UBP1: variants seen among roughly 807,000 people sequenced by gnomAD.
The protein encoded by UBP1 is upstream binding protein 1.
Under a neutral mutation model 76.1 loss-of-function variants are expected in UBP1, and 22 were observed. That is an observed-to-expected ratio of 0.29 (90% CI 0.21 to 0.41). The LOEUF (loss-of-function observed/expected upper bound fraction) is 0.41, where lower values mean the gene tolerates loss of function less well. UBP1 is among the 10% of genes least tolerant of loss of function. UBP1 has a pLI of 1.00. For missense variants in UBP1, 436 were observed against 668.1 expected, an observed-to-expected ratio of 0.65 and a Z score of 3.83; for synonymous variants, 224 against 237.1, an observed-to-expected ratio of 0.94 and a Z score of 0.51.
chr3:33,398,816 TG>T (rs1165143965), intron 11 of UBP1, among the ~76,000 whole-genome samples: 1 of 152,210 alleles, frequency 6.6e-6, no homozygotes. Context: ...CTATGTGCTA[TG>T]CTTTTCATCT....
intron 11 of UBP1, among the ~76,000 whole-genome samples, chr3:33,398,834 C>T (rs2044112158): frequency 6.6e-6 from 1 of 152,198 alleles, no homozygotes; most frequent in Admixed American, 6.5e-5. Context: ...ATCTGCCTTC[C>T]ATACAACAGT....
intron 2 of UBP1, among the ~76,000 whole-genome samples, chr3:33,419,189 C>A (rs961513133): frequency 6.6e-5 from 10 of 152,098 alleles, no homozygotes; most frequent in Non-Finnish European, 1.0e-4. Flanking sequence ...CAGGAGCTGA[C>A]TTGAGGCAGA....
At chr3:33,426,748 T>C (rs917894338) in intron 1 of UBP1, among the ~76,000 whole-genome samples, 2 of 152,224 alleles carry the variant, frequency 1.3e-5, no homozygotes, top group South Asian at 2.1e-4. Flanking sequence ...TGTTCTAACA[T>C]GTACCAATGC....
At chr3:33,430,547 T>G (rs921743153) in intron 1 of UBP1, among the ~76,000 whole-genome samples, 1 of 152,166 alleles carries the variant, frequency 6.6e-6, no homozygotes, top group African/African-American at 2.4e-5. Context: ...AAACAACAGA[T>G]GACATATATC....
chr3:33,411,402 A>C (rs1301536514), intron 5 of UBP1, among the ~76,000 whole-genome samples, 179 bp downstream of exon 5: 1 of 152,246 alleles, frequency 6.6e-6, no homozygotes, highest in Non-Finnish European at 1.5e-5. Flanking sequence ...ATGTCTTCAT[A>C]TATGTTAGTT....
chr3:33,440,935 A>G (rs2045292268), upstream of UBP1: 4 of 152,280 alleles, frequency 2.6e-5, no homozygotes, highest in South Asian at 8.3e-4. Context: ...TGGTGACAGA[A>G]AAGCCAGTTG....
At chr3:33,412,124 T>C (rs755730249) in intron 4 of UBP1, among the ~76,000 whole-genome samples, 8 of 149,464 alleles carry the variant, frequency 5.4e-5, no homozygotes, top group Non-Finnish European at 1.2e-4. Context: ...GAGGCGGAGG[T>C]TGCAGTGAGC....
At chr3:33,410,432 C>T (rs1258768615) in intron 5 of UBP1, among the ~76,000 whole-genome samples, 1 of 152,216 alleles carries the variant, frequency 6.6e-6, no homozygotes, top group East Asian at 1.9e-4. Flanking sequence ...CAAACACCAA[C>T]AGTATGAGTT....
Position 33,400,196 on chromosome 3 carries a change from A to T in UBP1, c.1173T>A (p.Asn391Lys). ...ACACACACATACACATACCTGAAAA[A>T]TTAGAGAACAGTCTTGTGTAGGAAG... ...RFSSYTRLFS[N>K]FSGADLLKLT... is the part of the protein sequence containing the mutation. The change falls in exon 11 of 16, where the codon AAT (asparagine) becomes AAA (lysine). Residue 391 changes from asparagine (N) to lysine (K), a missense_variant. Around this residue, in one of 3 missense-constraint regions of UBP1, gnomAD observed 210 missense variants for 272.8 expected, o/e 0.77. Transcript: ENST00000283629. The T allele has an allele frequency of 6.3e-7, 1 of 1,586,906 alleles. No individual in the cohort carries two copies. Among genetic ancestry groups the T allele is most frequent in the Non-Finnish European group, 8.5e-7 (1 of 1,171,002 alleles).
At chr3:33,414,644 A>G (rs543045683) in intron 3 of UBP1, among the ~76,000 whole-genome samples, 1 of 152,310 alleles carries the variant, frequency 6.6e-6, no homozygotes, top group Admixed American at 6.5e-5. Flanking sequence ...CTCTAGCTAA[A>G]AAAAGGATGT....
intron 6 of UBP1, 35 bp from the exon 7 acceptor site, chr3:33,409,381 CT>C: frequency 6.2e-7 from 1 of 1,613,944 alleles, no homozygotes; most frequent in Non-Finnish European, 8.5e-7. Flanking sequence ...ATCTATCAGG[CT>C]GCAGACACAC....
intron 2 of UBP1, among the ~76,000 whole-genome samples, chr3:33,421,200 G>T (rs957444544): frequency 6.6e-6 from 1 of 151,346 alleles, no homozygotes; most frequent in Non-Finnish European, 1.5e-5. Context: ...TCCATTTTGG[G>T]ACTACAGTTT....
intron 1 of UBP1, among the ~76,000 whole-genome samples, chr3:33,435,980 G>A (rs1251221611): frequency 1.3e-5 from 2 of 152,144 alleles, no homozygotes; most frequent in Non-Finnish European, 1.5e-5. Context: ...CCTACTCAGG[G>A]ACATTCTATT....
intron 13 of UBP1, among the ~76,000 whole-genome samples, chr3:33,394,191 TTTATTATTA>T (rs148929407): frequency 1.0e-3 from 146 of 143,410 alleles, no homozygotes; most frequent in East Asian, 2.1e-3. Flanking sequence ...CTGGCTAATT[TTTATTATTA>T]TTATTATTAT....
chr3:33,408,180 T>C (rs189958592), intron 8 of UBP1, among the ~76,000 whole-genome samples: 4 of 152,274 alleles, frequency 2.6e-5, no homozygotes, highest in Non-Finnish European at 5.9e-5. Flanking sequence ...CACACATTTT[T>C]ATACTACATG....
chr3:33,427,971 A>AGGCT, intron 1 of UBP1, among the ~76,000 whole-genome samples: 1 of 152,232 alleles, frequency 6.6e-6, no homozygotes, highest in East Asian at 1.9e-4. Context: ...GTGGGTGATC[A>AGGCT]CCTGAGGTCA....
intron 8 of UBP1, among the ~76,000 whole-genome samples, chr3:33,403,986 C>A (rs1370468045): frequency 5.3e-5 from 8 of 152,170 alleles, no homozygotes; most frequent in African/African-American, 1.9e-4. Context: ...TGACTCATGC[C>A]CCTAATCTCA....
At chr3:33,393,479 A>G (rs776736422) in intron 13 of UBP1, 25 bp from the exon 14 acceptor site, 262 of 1,590,820 alleles carry the variant, frequency 1.6e-4, no homozygotes, top group Non-Finnish European at 2.1e-4. Flanking sequence ...AAAAAAAGAA[A>G]AGCATTTTAA....
At chr3:33,401,311 G>A (rs573503135) in intron 9 of UBP1, among the ~76,000 whole-genome samples, 132 of 151,916 alleles carry the variant, frequency 8.7e-4, no homozygotes, top group African/African-American at 2.8e-3. Flanking sequence ...GGGATGCCAA[G>A]GAAAATGAAG....
Sources: gnomAD v4.1 joint callset for allele counts (sites outside exome capture counted in the v4.1 genomes callset) on GRCh38, gnomAD v4.1.1 for gene constraint, gnomAD v4.1.1 regional missense constraint, MANE v1.5 for transcripts, NCBI Gene and HGNC (gene_info 2026-07-23, HGNC 2026-07-21) for gene names.